HVCN1: variants seen among roughly 807,000 people sequenced by gnomAD.
HVCN1 encodes the protein voltage-gated hydrogen channel 1.
A neutral mutation model predicts 29.2 loss-of-function variants in HVCN1; 14 were observed. The observed-to-expected ratio is 0.48, with a 90% confidence interval of 0.32 to 0.75. The LOEUF (loss-of-function observed/expected upper bound fraction) is 0.75. Among genes scored for constraint, HVCN1 ranks in the 30% least tolerant of loss-of-function variants. The probability of loss-of-function intolerance (pLI) is 0.04; values close to 1 mark genes in which losing one functional copy is unlikely to be tolerated. For synonymous variants in HVCN1, 131 were observed against 133.2 expected (o/e 0.98, Z 0.11); for missense variants, 263 against 341.8 (o/e 0.77, Z 1.82).
chr12:110,702,449 G>C (rs1311709108), intron 1 of HVCN1: 4 of 151,956 alleles, frequency 2.6e-5, no homozygotes, highest in Admixed American at 2.6e-4. Flanking sequence ...GAAAACAGGA[G>C]GGCAAGACAA....
intron 2 of HVCN1, among the ~76,000 whole-genome samples, chr12:110,684,394 G>A (rs1459531591): frequency 6.6e-6 from 1 of 152,128 alleles, no homozygotes; most frequent in African/African-American, 2.4e-5. Context: ...TACAGTGTTG[G>A]GGTTGCTCTG....
Position 110,648,840 on chromosome 12 carries a change from C to G in HVCN1, c.*570G>C, listed in dbSNP as rs569017966. On this transcript the variant is annotated 3_prime_UTR_variant, in exon 8 of 8. Coordinates refer to ENST00000242607, the MANE Select transcript of HVCN1 (RefSeq NM_032369.4). ...TGTTTTATTTTATACAGTAGTTGTA[C>G]AGTAATTGAGGAAAAATGTTGTCAG... The G allele has an allele frequency of 8.2e-6, 3 of 363,996 alleles. No individual in the cohort carries two copies. The highest frequency in any genetic ancestry group is 6.5e-5 in the African/African-American group (3 of 46,266). The allele number at this position is 363,996 out of a possible 1,614,324, so 22.5% of individuals were successfully genotyped here.
At chr12:110,693,982 C>A (rs1042396808), upstream of HVCN1, among the ~76,000 whole-genome samples, 1 of 152,206 alleles carries the variant, frequency 6.6e-6, no homozygotes, top group East Asian at 1.9e-4. Context: ...GCCCCACCCC[C>A]GGTCCTCCGC....
chr12:110,672,347 T>C (rs988323030), intron 3 of HVCN1, among the ~76,000 whole-genome samples: 8 of 152,176 alleles, frequency 5.3e-5, no homozygotes, highest in Non-Finnish European at 1.2e-4. Context: ...CACAGGTGCT[T>C]GCTCCAGTCC....
intron 1 of HVCN1, among the ~76,000 whole-genome samples, chr12:110,702,947 C>T (rs1357673479): frequency 6.6e-6 from 1 of 152,132 alleles, no homozygotes; most frequent in Non-Finnish European, 1.5e-5. Context: ...AGTCACCATG[C>T]CCAGCAATTT....
At chr12:110,671,063 A>G (rs1487245993) in intron 3 of HVCN1, among the ~76,000 whole-genome samples, 1 of 152,232 alleles carries the variant, frequency 6.6e-6, no homozygotes, top group African/African-American at 2.4e-5. Context: ...GCAGTGGCTC[A>G]TGCCTGTAAT....
intron 3 of HVCN1, among the ~76,000 whole-genome samples, chr12:110,675,369 GA>G (rs1393404839): frequency 6.6e-6 from 1 of 152,212 alleles, no homozygotes; most frequent in East Asian, 1.9e-4. Context: ...TGAGGCAGGG[GA>G]ATTGCTTGAA....
chr12:110,699,216 C>T (rs181383533), intron 2 of HVCN1, among the ~76,000 whole-genome samples: 4 of 152,154 alleles, frequency 2.6e-5, no homozygotes, highest in African/African-American at 9.7e-5. Context: ...TTTGCTGGGT[C>T]TTGGCTGCAG....
chr12:110,691,506 C>T (rs537729703), upstream of HVCN1, among the ~76,000 whole-genome samples: 139 of 152,300 alleles, frequency 9.1e-4, no homozygotes, highest in African/African-American at 3.3e-3. Context: ...AATTCTCCTC[C>T]TCCCCCAGGG....
At chr12:110,688,293 T>G (rs1292620292) in intron 2 of HVCN1, 1 of 152,140 alleles carries the variant, frequency 6.6e-6, no homozygotes, top group Non-Finnish European at 1.5e-5. Flanking sequence ...GCCTGCAAGA[T>G]CCCCCACACC....
Position 110,651,456 on chromosome 12 carries a change from G to A in HVCN1, c.412-8C>T. 1 of 1,590,432 alleles carries A rather than the reference G, an allele frequency of 6.3e-7. No individual in the cohort carries two copies. The highest frequency in any genetic ancestry group is 1.7e-5 in the Admixed American group (1 of 59,954). Reference sequence around the variant, plus strand: ...GCTCATGTAGTGGAATACCTGAAGGGGACAAGGAACCACAGTCAGGGGAGA... The same window carrying A: ...GCTCATGTAGTGGAATACCTGAAGGAGACAAGGAACCACAGTCAGGGGAGA... On this transcript the variant is annotated splice_polypyrimidine_tract_variant and splice_region_variant and intron_variant, in intron 5 of 7. Transcript: ENST00000242607.
chr12:110,672,137 T>G (rs2068595147), intron 3 of HVCN1, among the ~76,000 whole-genome samples: 1 of 152,180 alleles, frequency 6.6e-6, no homozygotes, highest in African/African-American at 2.4e-5. Flanking sequence ...ATCAAAATTT[T>G]ATTTCCTTTT....
At chr12:110,682,990 C>A in intron 3 of HVCN1, 2 of 482,592 alleles carry the variant, frequency 4.1e-6, no homozygotes, top group Non-Finnish European at 3.6e-6. Context: ...AAAAAAACCG[C>A]ACATAGTTAT....
chr12:110,697,949 C>T (rs759115028), intron 2 of HVCN1, among the ~76,000 whole-genome samples: 23 of 152,020 alleles, frequency 1.5e-4, no homozygotes, highest in Non-Finnish European at 3.2e-4. Context: ...TGTGTCTGGC[C>T]GTTAAGCATC....
intron 2 of HVCN1, among the ~76,000 whole-genome samples, chr12:110,699,582 G>C (rs1012698244): frequency 2.6e-5 from 4 of 152,090 alleles, no homozygotes; most frequent in African/African-American, 4.8e-5. Context: ...GTCCTTTCTG[G>C]TAAGGGACAC....
At chr12:110,684,261 A>G (rs2069098819) in intron 2 of HVCN1, among the ~76,000 whole-genome samples, 1 of 151,538 alleles carries the variant, frequency 6.6e-6, no homozygotes, top group African/African-American at 2.4e-5. Context: ...AACAGTGAAA[A>G]TGTTCTGATA....
intron 2 of HVCN1, among the ~76,000 whole-genome samples, chr12:110,698,798 C>T (rs938344146): frequency 6.6e-6 from 1 of 152,152 alleles, no homozygotes; most frequent in Non-Finnish European, 1.5e-5. Flanking sequence ...CCTGTTTACT[C>T]ATTGTTGGGT....
At chr12:110,699,087 C>T (rs1338081596) in intron 2 of HVCN1, among the ~76,000 whole-genome samples, 1 of 152,214 alleles carries the variant, frequency 6.6e-6, no homozygotes, top group Admixed American at 6.5e-5. Context: ...GAGATTGCTC[C>T]ACTGCACTCC....
chr12:110,657,921 T>A (rs935204757), intron 4 of HVCN1, among the ~76,000 whole-genome samples: 1 of 152,198 alleles, frequency 6.6e-6, no homozygotes, highest in African/African-American at 2.4e-5. Context: ...CCCATCTGCC[T>A]GGACCTTGGA....
Sources: gnomAD v4.1 joint callset for allele counts (sites outside exome capture counted in the v4.1 genomes callset) on GRCh38, gnomAD v4.1.1 for gene constraint, MANE v1.5 for transcripts, NCBI Gene and HGNC (gene_info 2026-07-23, HGNC 2026-07-21) for gene names.